ROBO1: variants seen among roughly 807,000 people sequenced by gnomAD.
ROBO1 encodes roundabout guidance receptor 1.
Under a neutral mutation model 195.9 loss-of-function variants are expected in ROBO1, and 149 were observed. The observed-to-expected ratio is 0.76, with a 90% CI of 0.67 to 0.87. ROBO1 has a LOEUF of 0.87. Among genes scored for constraint, ROBO1 ranks in the 40% least tolerant of loss-of-function variants. ROBO1 has a pLI of 0.00. For synonymous variants in ROBO1, 816 were observed against 733.2 expected (o/e 1.11, Z -1.82); for missense variants, 1,933 against 2,068.3 (o/e 0.93, Z 1.27).
At chr3:78,985,764 A>AT (rs983758457) in intron 3 of ROBO1, among the ~76,000 whole-genome samples, 1 of 152,142 alleles carries the variant, frequency 6.6e-6, no homozygotes, top group African/African-American at 2.4e-5. Flanking sequence ...TTTATTATTA[A>AT]TTTTTATTTA....
intron 1 of ROBO1, among the ~76,000 whole-genome samples, chr3:79,649,839 T>C (rs1448814303): frequency 5.9e-5 from 9 of 152,096 alleles, no homozygotes; most frequent in Non-Finnish European, 1.2e-4. Context: ...TATGTTGATA[T>C]GTCTTCTGGA....
intron 8 of ROBO1, among the ~76,000 whole-genome samples, chr3:78,712,436 GA>G (rs2108037230): frequency 6.6e-6 from 1 of 151,870 alleles, no homozygotes; most frequent in African/African-American, 2.4e-5. Context: ...CTCAAAAGAC[GA>G]AAAAAGGCAT....
intron 2 of ROBO1, among the ~76,000 whole-genome samples, chr3:79,346,976 A>G (rs371153222): frequency 6.6e-6 from 1 of 152,188 alleles, no homozygotes; most frequent in South Asian, 2.1e-4. Flanking sequence ...ATTCAATTTA[A>G]TGATAACCTT....
rs1047005482 is a variant in ROBO1 at position 78,714,426 on chromosome 3, G to A, written c.1016C>T (p.Ala339Val). 6.2e-7 allele frequency: 1 copy of A among 1,613,140 alleles called. No homozygotes were observed. The highest frequency in any genetic ancestry group is 8.5e-7 in the Non-Finnish European group (1 of 1,179,452). Residue 339 changes from alanine to valine, a missense_variant, in exon 8 of 31, where the codon GCT becomes GTT. By Grantham distance (64) the Ala-to-Val change is moderately conservative. This residue lies in a region of ROBO1 where 1,737 missense variants were observed against 1,882.5 expected (regional missense o/e 0.92). Transcript: ENST00000464233. ...AACAGTCAGAGTAGCAGATGCTTCA[G>A]CTTTGCCCACCATATTTTCTGCAAC... ...TCVAENMVGK[A>V]EASATLTVQE...
chr3:78,791,352 A>G (rs1053787540), intron 4 of ROBO1, among the ~76,000 whole-genome samples: 12 of 152,200 alleles, frequency 7.9e-5, no homozygotes, highest in Non-Finnish European at 1.5e-4. Flanking sequence ...TAAAAAGAGC[A>G]GTAAGGCACG....
intron 2 of ROBO1, among the ~76,000 whole-genome samples, chr3:79,158,414 A>G (rs935945313): frequency 1.3e-5 from 2 of 151,292 alleles, no homozygotes; most frequent in Admixed American, 6.6e-5. Flanking sequence ...AATTTTCTTA[A>G]TTCTATTTTT....
intron 2 of ROBO1, among the ~76,000 whole-genome samples, chr3:79,382,765 C>T (rs997323765): frequency 2.6e-5 from 4 of 152,076 alleles, no homozygotes; most frequent in African/African-American, 7.2e-5. Context: ...TATCTATTTC[C>T]TGAAAGTAAT....
chr3:79,239,274 C>T (rs186837716), intron 2 of ROBO1, among the ~76,000 whole-genome samples: 1 of 152,168 alleles, frequency 6.6e-6, no homozygotes, highest in Non-Finnish European at 1.5e-5. Flanking sequence ...ACATTTACAA[C>T]TAAACAGGTA....
chr3:79,465,786 C>T (rs1198255046), intron 2 of ROBO1, among the ~76,000 whole-genome samples: 1 of 152,014 alleles, frequency 6.6e-6, no homozygotes, highest in African/African-American at 2.4e-5. Flanking sequence ...CTTACATGAG[C>T]AGGGTTAAAC....
chr3:78,828,515 C>A (rs1339418971), intron 4 of ROBO1, among the ~76,000 whole-genome samples: 1 of 152,164 alleles, frequency 6.6e-6, no homozygotes, highest in Non-Finnish European at 1.5e-5. Context: ...ACCATACTAA[C>A]CCTAAAACAA....
Position 79,407,895 on chromosome 3 carries a change from C to T in ROBO1, c.88+181929G>A, listed in dbSNP as rs148762196. On this transcript the variant is annotated intron_variant, in intron 2 of 30. Coordinates refer to ENST00000464233, the MANE Select transcript of ROBO1 (RefSeq NM_002941.4). ...GTACTTCTGTAAACAATGGACTCTT[C>T]TAAGTCTTATTTTCCTTGCCATATG... 2.6e-5 allele frequency among the ~76,000 whole-genome samples: 4 copies of T among 152,194 alleles called. No homozygotes were observed. In the East Asian group the frequency reaches 5.8e-4, roughly 22 times the overall value.
chr3:79,717,649 T>C (rs559942916), intron 1 of ROBO1, among the ~76,000 whole-genome samples: 200 of 152,184 alleles, frequency 1.3e-3, no homozygotes, highest in African/African-American at 4.5e-3. Context: ...AGTTATTATC[T>C]GTACTACAGA....
intron 1 of ROBO1, among the ~76,000 whole-genome samples, chr3:79,758,203 C>G (rs1054078134): frequency 1.3e-5 from 2 of 152,186 alleles, no homozygotes; most frequent in Non-Finnish European, 2.9e-5. Flanking sequence ...TCCAATAGAA[C>G]TTTCTCTGAT....
At chr3:79,632,290 T>C (rs1453198448) in intron 1 of ROBO1, among the ~76,000 whole-genome samples, 1 of 152,184 alleles carries the variant, frequency 6.6e-6, no homozygotes, top group African/African-American at 2.4e-5. Context: ...CATGGAATAC[T>C]ATGCAGCCAC....
chr3:78,856,717 T>C (rs2034466128), intron 4 of ROBO1, among the ~76,000 whole-genome samples: 2 of 151,538 alleles, frequency 1.3e-5, no homozygotes, highest in Admixed American at 6.6e-5. Context: ...TAGTACATAA[T>C]GAAAGAAAAA....
chr3:78,607,897 T>C (rs1319505080), intron 28 of ROBO1, among the ~76,000 whole-genome samples: 1 of 152,176 alleles, frequency 6.6e-6, no homozygotes, highest in Non-Finnish European at 1.5e-5. Context: ...GTGTTCTTTA[T>C]ATTACTACAT....
At chr3:79,570,076 G>T (rs549502998) in intron 2 of ROBO1, among the ~76,000 whole-genome samples, 1 of 152,060 alleles carries the variant, frequency 6.6e-6, no homozygotes, top group African/African-American at 2.4e-5. Flanking sequence ...ACTCCAGCAT[G>T]GGTGAAATGT....
chr3:79,618,532 C>A (rs1052643999), intron 1 of ROBO1, among the ~76,000 whole-genome samples: 1 of 152,174 alleles, frequency 6.6e-6, no homozygotes, highest in African/African-American at 2.4e-5. Context: ...GTGACTGCCA[C>A]CCCTGCCCAC....
intron 2 of ROBO1, among the ~76,000 whole-genome samples, chr3:79,416,072 T>C (rs2037987568): frequency 7.5e-6 from 1 of 133,046 alleles, no homozygotes; most frequent in South Asian, 2.6e-4. Flanking sequence ...AAAACAAATA[T>C]ATACCAACAT....
Sources: gnomAD v4.1 joint callset for allele counts (sites outside exome capture counted in the v4.1 genomes callset) on GRCh38, gnomAD v4.1.1 for gene constraint, gnomAD v4.1.1 regional missense constraint, MANE v1.5 for transcripts, NCBI Gene and HGNC (gene_info 2026-07-23, HGNC 2026-07-21) for gene names.